Variants in CCSER1 observed in about 807,000 individuals in gnomAD.
CCSER1 encodes the protein serine-rich coiled-coil domain-containing protein 1.
In CCSER1, 41 loss-of-function variants were observed where a neutral mutation model predicts 82.0. The observed-to-expected ratio is 0.50, with a 90% confidence interval of 0.39 to 0.65. The LOEUF is 0.65. Among genes scored for constraint, CCSER1 ranks in the 30% least tolerant of loss-of-function variants. CCSER1 has a pLI of 0.00. For synonymous variants in CCSER1, 414 were observed against 383.9 expected (o/e 1.08, Z -0.92); for missense variants, 1,119 against 1,064.2 (o/e 1.05, Z -0.72).
chr4:91,473,874 T>G lies in CCSER1; in HGVS notation c.2218-124698T>G, dbSNP rs150901491. 3.4e-3 allele frequency among the ~76,000 whole-genome samples: 520 copies of G among 152,208 alleles called. 6 individuals are homozygous for G. The highest frequency in any genetic ancestry group is 0.012 in the African/African-American group (486 of 41,546). ...CTTGGCCACATCTTCTAAGTATATT[T>G]TAATCAACTCTGTAGTGTCTGTTTC... On this transcript the variant is annotated intron_variant, in intron 10 of 10. Transcript: ENST00000509176.
chr4:91,277,890 A>G (rs893941446), intron 10 of CCSER1, among the ~76,000 whole-genome samples: 2 of 151,802 alleles, frequency 1.3e-5, no homozygotes, highest in African/African-American at 2.4e-5. Flanking sequence ...CTCAATTTTC[A>G]TCTTTTCAAT....
intron 3 of CCSER1, among the ~76,000 whole-genome samples, chr4:90,391,452 A>ATATATATATATATATAAATATATGGGGG (rs1561152111): frequency 8.9e-5 from 6 of 67,418 alleles, no homozygotes; most frequent in African/African-American, 7.0e-4. Context: ...GGGTATATAT[A>ATATATATATATATATAAATATATGGGGG]TATATATATA....
intron 1 of CCSER1, among the ~76,000 whole-genome samples, chr4:90,259,636 A>G (rs1216127130): frequency 1.3e-5 from 2 of 152,052 alleles, no homozygotes; most frequent in East Asian, 1.9e-4. Context: ...AGTCCCTTCT[A>G]TGCCTATTTT....
intron 9 of CCSER1, among the ~76,000 whole-genome samples, chr4:91,023,037 G>A (rs1342969860): frequency 1.3e-5 from 2 of 152,094 alleles, no homozygotes; most frequent in Admixed American, 1.3e-4. Context: ...TGTCAATTTT[G>A]GCTTTTGTTG....
In CCSER1 at chr4:91,083,126, G is replaced by A. The variant is rs185802392; in HGVS notation, c.2173-2824G>A. 7.7e-3 allele frequency among the ~76,000 whole-genome samples: 1,179 copies of A among 152,180 alleles called. 11 individuals carry two copies. Among genetic ancestry groups the A allele is most frequent in the African/African-American group, 0.026 (1,091 of 41,498 alleles). ...CACATGAACACGTATGTTTATTGTG[G>A]CACTATTCACAATAGCAAAGACTTG... On this transcript the variant is annotated intron_variant, in intron 9 of 10. Transcript: ENST00000509176.
chr4:91,254,243 A>G (rs904853064), intron 10 of CCSER1, among the ~76,000 whole-genome samples: 2 of 152,210 alleles, frequency 1.3e-5, no homozygotes, highest in Non-Finnish European at 2.9e-5. Context: ...ACTTTACTCG[A>G]CAACAGCAAA....
intron 9 of CCSER1, among the ~76,000 whole-genome samples, chr4:91,066,563 A>G (rs1036018069): frequency 5.9e-5 from 9 of 152,214 alleles, no homozygotes; most frequent in Non-Finnish European, 1.3e-4. Flanking sequence ...ATAAGGAGAA[A>G]GTAACATTTT....
At chr4:90,233,860 C>G (rs974863988) in intron 1 of CCSER1, among the ~76,000 whole-genome samples, 1 of 151,954 alleles carries the variant, frequency 6.6e-6, no homozygotes, top group African/African-American at 2.4e-5. Flanking sequence ...GGATAATTAG[C>G]ACATAACAAC....
chr4:91,325,133 G>C (rs1378543753), intron 10 of CCSER1: 4 of 455,732 alleles, frequency 8.8e-6, no homozygotes, highest in African/African-American at 4.0e-5. Context: ...AATTCCACAG[G>C]TGTCAAATGG....
intron 6 of CCSER1, among the ~76,000 whole-genome samples, chr4:90,700,269 G>A (rs1215451610): frequency 1.3e-5 from 2 of 152,034 alleles, no homozygotes; most frequent in Non-Finnish European, 2.9e-5. Context: ...GACATTTGCT[G>A]AGAATGATGG....
intron 8 of CCSER1, among the ~76,000 whole-genome samples, chr4:90,850,254 G>A (rs1157550639): frequency 6.6e-6 from 1 of 152,202 alleles, no homozygotes; most frequent in Non-Finnish European, 1.5e-5. Context: ...TTCAGGGGTG[G>A]AGCCCTCATG....
intron 10 of CCSER1, among the ~76,000 whole-genome samples, chr4:91,580,555 G>A (rs1763680775): frequency 6.6e-6 from 1 of 151,734 alleles, no homozygotes; most frequent in Non-Finnish European, 1.5e-5. Context: ...GAATTAGTCT[G>A]AAATGTTTTG....
intron 5 of CCSER1, among the ~76,000 whole-genome samples, chr4:90,583,445 C>T (rs1481532491): frequency 6.6e-6 from 1 of 152,110 alleles, no homozygotes; most frequent in Non-Finnish European, 1.5e-5. Context: ...GGGTTACAGG[C>T]ATGAGCCACC....
chr4:91,535,190 T>C (rs1761235811), intron 10 of CCSER1, among the ~76,000 whole-genome samples: 1 of 152,048 alleles, frequency 6.6e-6, no homozygotes, highest in Non-Finnish European at 1.5e-5. Flanking sequence ...AAATAAGTTA[T>C]TGTATGTTAC....
chr4:90,932,990 A>AAGAAAGAAAGAGAGAGAG, intron 9 of CCSER1, among the ~76,000 whole-genome samples: 1 of 48,490 alleles, frequency 2.1e-5, no homozygotes, highest in South Asian at 4.7e-4. Context: ...AAGAGAAAGA[A>AAGAAAGAAAGAGAGAGAG]AGAAAGAAAG....
intron 3 of CCSER1, among the ~76,000 whole-genome samples, chr4:90,355,819 CA>C (rs1440141610): frequency 6.6e-6 from 1 of 151,898 alleles, no homozygotes; most frequent in African/African-American, 2.4e-5. Context: ...ACTTGCTGAA[CA>C]AATTGGAAAG....
rs570130028 is a variant in CCSER1, at chr4:91,154,340, A to AT, written c.2217+68349dup. On this transcript the variant is annotated intron_variant, in intron 10 of 10. Transcript: ENST00000509176. ...ACGGGATATAATCTCCTGGTATGCC[A>AT]TTTGCTAAGACCGTGGGAAAAGTGC... is the stretch of plus-strand genomic sequence containing the variant. Among the ~76,000 whole-genome samples the AT allele has an allele frequency of 2.6e-5, 4 of 152,168 alleles. No homozygotes were observed. The South Asian group carries it at 8.3e-4, about 32-fold the overall frequency.
chr4:91,563,700 A>G (rs1762760614), intron 10 of CCSER1, among the ~76,000 whole-genome samples: 1 of 151,748 alleles, frequency 6.6e-6, no homozygotes. Flanking sequence ...TCGTAACCAG[A>G]GCAGTTATAT....
intron 10 of CCSER1, among the ~76,000 whole-genome samples, chr4:91,464,910 A>ACTT (rs1756776127): frequency 6.6e-6 from 1 of 152,192 alleles, no homozygotes; most frequent in Non-Finnish European, 1.5e-5. Context: ...GTAATGGGAG[A>ACTT]CTTTAACATC....
Sources: allele counts gnomAD v4.1 joint callset (sites outside exome capture counted in the v4.1 genomes callset), GRCh38; gene constraint gnomAD v4.1.1; transcripts MANE v1.5; gene names NCBI Gene and HGNC (gene_info 2026-07-23, HGNC 2026-07-21).